The following SCAMP4 variants were observed in gnomAD, a reference collection of about 807,000 sequenced individuals.
SCAMP4 encodes secretory carrier membrane protein 4.
In SCAMP4, 19 loss-of-function variants were observed where a neutral mutation model predicts 32.1. The observed-to-expected ratio is 0.59, with a 90% CI of 0.41 to 0.87. The LOEUF is 0.87. Among genes scored for constraint, SCAMP4 ranks in the 40% least tolerant of loss-of-function variants. SCAMP4 has a pLI of 0.00. For synonymous variants in SCAMP4, 152 were observed against 132.7 expected (o/e 1.15, Z -1.00); for missense variants, 302 against 309.0 (o/e 0.98, Z 0.17).
rs2013838302 is a variant in SCAMP4 at position 1,919,193 on chromosome 19, A to G, written c.395+203A>G. On this transcript the variant is annotated intron_variant, in intron 5 of 6. Transcript: ENST00000316097. ...CGCCAGCACCCAGCCATGGTTCGCG[A>G]TTGTAGGCACTCTCCTAGGGAGGGG... is the stretch of plus-strand genomic sequence containing the variant. The G allele has an allele frequency of 1.4e-5, 20 of 1,418,620 alleles. No individual in the cohort carries two copies. In the South Asian group the frequency reaches 3.0e-4, roughly 21 times the overall value. The allele number at this position is 1,418,620 out of a possible 1,614,324, so 87.9% of individuals were successfully genotyped here.
intron 2 of SCAMP4, among the ~76,000 whole-genome samples, chr19:1,916,432 C>T (rs940792828): frequency 1.3e-5 from 2 of 152,064 alleles, no homozygotes; most frequent in African/African-American, 4.8e-5. Context: ...TTCTGGCCTC[C>T]AGGACTGTTA....
chr19:1,920,147 A>G (rs2013872732), intron 5 of SCAMP4: 2 of 985,272 alleles, frequency 2.0e-6, no homozygotes, highest in African/African-American at 1.7e-5. Flanking sequence ...TTTATTTTGG[A>G]ATAATTTGTA....
Position 1,922,000 on chromosome 19 carries a change from T to G in SCAMP4, c.396-1070T>G, listed in dbSNP as rs1057502042. On this transcript the variant is annotated intron_variant, in intron 5 of 6. Transcript: ENST00000316097. Reference sequence around the variant, plus strand: ...TAAGCTCCCCGGACACATCCGGGGGTGTGGGTCCTGCGGGCTGCCTGTGCA... The same window carrying G: ...TAAGCTCCCCGGACACATCCGGGGGGGTGGGTCCTGCGGGCTGCCTGTGCA... 32 of 985,054 alleles carry G rather than the reference T, an allele frequency of 3.2e-5. 1 individual carries two copies. Among genetic ancestry groups the G allele is most frequent in the Non-Finnish European group, 3.9e-5 (32 of 829,866 alleles). 61.0% of individuals were successfully genotyped at this position (985,054 alleles called of 1,614,324 possible).
chr19:1,915,923 T>C (rs1215822694), intron 2 of SCAMP4, among the ~76,000 whole-genome samples: 1 of 137,278 alleles, frequency 7.3e-6, no homozygotes, highest in Admixed American at 7.8e-5. Flanking sequence ...CCAGCCTGGG[T>C]GACAGAGCGA....
intron 1 of SCAMP4, chr19:1,911,987 T>G (rs1170545118): frequency 7.1e-7 from 1 of 1,411,690 alleles, no homozygotes. Context: ...CCCTGCCTTG[T>G]GGAGCCACGG....
rs1436603128 is a variant in SCAMP4 at position 1,925,372 on chromosome 19, A to C, written c.*1088A>C. On this transcript the variant is annotated 3_prime_UTR_variant, in exon 7 of 7. Coordinates refer to ENST00000316097, the MANE Select transcript of SCAMP4 (RefSeq NM_079834.4). ...CTTGGCCTCCCAAAGTGCTGGGATAATAGGTGTCAGCCACCGCGCCCAGCC... is the reference window on the plus strand; with the variant it reads ...CTTGGCCTCCCAAAGTGCTGGGATACTAGGTGTCAGCCACCGCGCCCAGCC... 1 of 152,530 alleles carries C rather than the reference A, an allele frequency of 6.6e-6. No homozygotes were observed. The allele number at this position is 152,530 out of a possible 1,614,324, so 9.4% of individuals were successfully genotyped here.
At chr19:1,923,562 A>C (rs967630992) in intron 6 of SCAMP4, among the ~76,000 whole-genome samples, 9 of 147,478 alleles carry the variant, frequency 6.1e-5, no homozygotes, top group Non-Finnish European at 3.0e-5. Flanking sequence ...ATCTGAAGAT[A>C]GCGGAAGTGT....
At chr19:1,920,204 G>A in intron 5 of SCAMP4, 20 of 985,362 alleles carry the variant, frequency 2.0e-5, no homozygotes, top group Non-Finnish European at 2.3e-5. Context: ...TCCCCGACGT[G>A]TCTCCCTTGT....
rs568050831 is a variant in SCAMP4, at chr19:1,924,847, C to T, written c.*563C>T. On this transcript the variant is annotated 3_prime_UTR_variant, in exon 7 of 7. Coordinates refer to ENST00000316097, the MANE Select transcript of SCAMP4 (RefSeq NM_079834.4). ...TGTCCCCGCCATCCCCTGATCTGTG[C>T]GGCTCCAGCCTCGCCCCCTCCCCAC... 8.0e-4 allele frequency: 126 copies of T among 158,186 alleles called. 2 individuals are homozygous for T. The highest frequency in any genetic ancestry group is 2.6e-3 in the African/African-American group (108 of 41,792). The allele number at this position is 158,186 out of a possible 1,614,324, so 9.8% of individuals were successfully genotyped here. A position where few individuals can be genotyped will look rare whatever the true frequency, so the allele number is the denominator to read the frequency against.
In SCAMP4 at chr19:1,912,714, G is replaced by A. The variant is rs757333098; in HGVS notation, c.-41-2265G>A. 1.2e-4 allele frequency: 181 copies of A among 1,514,778 alleles called. No individual in the cohort carries two copies. The highest frequency in any genetic ancestry group is 1.5e-4 in the Non-Finnish European group (175 of 1,138,894). The allele number at this position is 1,514,778 out of a possible 1,614,324, so 93.8% of individuals were successfully genotyped here. A position where few individuals can be genotyped will look rare whatever the true frequency, so the allele number is the denominator to read the frequency against. On this transcript the variant is annotated intron_variant, in intron 1 of 6. Coordinates refer to ENST00000316097, the MANE Select transcript of SCAMP4 (RefSeq NM_079834.4). The stretch of plus-strand genomic sequence containing the variant: ...GGTAGTGGACCCGGCCTCGGACCGC[G>A]TGCTGGCCACCGGCCACGACTGCAG...
At chr19:1,916,781 C>A (rs903333425) in intron 2 of SCAMP4, among the ~76,000 whole-genome samples, 1 of 152,212 alleles carries the variant, frequency 6.6e-6, no homozygotes. Context: ...CTAAGCCTCC[C>A]AGTCGGTGGT....
At chr19:1,913,145 C>G (rs928153783) in intron 1 of SCAMP4, 1 of 1,546,732 alleles carries the variant, frequency 6.5e-7, no homozygotes, top group Admixed American at 1.9e-5. Flanking sequence ...TGGACCCCGA[C>G]ACGTAGGCGC....
rs1344672485 is a variant in SCAMP4 at position 1,924,427 on chromosome 19, C to A, written c.*143C>A. On this transcript the variant is annotated 3_prime_UTR_variant, in exon 7 of 7. Transcript: ENST00000316097. Reference sequence around the variant, plus strand: ...GCCGGTGGTGGCCACGGACCGCCCCCCTCCTGCCAGGGCCACAGAACCCGT... The same window carrying A: ...GCCGGTGGTGGCCACGGACCGCCCCACTCCTGCCAGGGCCACAGAACCCGT... The A allele has an allele frequency of 4.4e-6, 3 of 683,844 alleles. No individual in the cohort carries two copies. The highest frequency in any genetic ancestry group is 7.4e-6 in the Non-Finnish European group (3 of 402,748). The allele number at this position is 683,844 out of a possible 1,614,324, so 42.4% of individuals were successfully genotyped here.
chr19:1,912,709 A>G (rs1278649167), intron 1 of SCAMP4: 2 of 1,507,258 alleles, frequency 1.3e-6, no homozygotes, highest in Non-Finnish European at 1.8e-6. Context: ...CCGGCCTCGG[A>G]CCGCGTGCTG....
rs2014036007 is a variant in SCAMP4, at chr19:1,924,461, C to T, written c.*177C>T. 23 of 610,628 alleles carry T rather than the reference C, an allele frequency of 3.8e-5. No homozygotes were observed. The highest frequency in any genetic ancestry group is 3.3e-4 in the South Asian group (17 of 52,056). The allele number at this position is 610,628 out of a possible 1,614,324, so 37.8% of individuals were successfully genotyped here. ...AGGGCCACAGAACCCGTGTTCATCT[C>T]ATCCGAGAGCGGAGTTCCTCACAAG... On this transcript the variant is annotated 3_prime_UTR_variant, in exon 7 of 7. Transcript: ENST00000316097.
At chr19:1,905,934 T>A (rs1214783462) in intron 1 of SCAMP4, 1 of 151,938 alleles carries the variant, frequency 6.6e-6, no homozygotes, top group Admixed American at 6.6e-5. Context: ...TTACCTAGAG[T>A]ATGAGTTTTT....
intron 2 of SCAMP4, among the ~76,000 whole-genome samples, chr19:1,915,839 G>A (rs988259349): frequency 9.2e-5 from 14 of 151,984 alleles, no homozygotes; most frequent in Non-Finnish European, 1.6e-4. Context: ...CCAGCTACTC[G>A]AGAGGCTGAG....
At chr19:1,923,564 C>T (rs571189629) in intron 6 of SCAMP4, among the ~76,000 whole-genome samples, 184 of 145,274 alleles carry the variant, frequency 1.3e-3, no homozygotes, top group African/African-American at 2.2e-3. Context: ...CTGAAGATAG[C>T]GGAAGTGTTG....
chr19:1,919,174 C>G, intron 5 of SCAMP4, 184 bp downstream of exon 5: 1 of 1,429,634 alleles, frequency 7.0e-7, no homozygotes. Context: ...TCCTCGCCAG[C>G]ACCCAGCCAT....
Sources: allele counts gnomAD v4.1 joint callset (sites outside exome capture counted in the v4.1 genomes callset), GRCh38; gene constraint gnomAD v4.1.1; transcripts MANE v1.5; gene names NCBI Gene and HGNC (gene_info 2026-07-23, HGNC 2026-07-21).